Variants in ANK1 observed in about 807,000 individuals in gnomAD.
ANK1 encodes ankyrin-1.
A neutral mutation model predicts 210.4 loss-of-function variants in ANK1; 51 were observed. The observed-to-expected ratio is 0.24, with a 90% CI of 0.19 to 0.31. ANK1 has a LOEUF of 0.31. ANK1 is among the 10% of genes least tolerant of loss of function. The pLI is 1.00. For missense variants in ANK1, 2,051 were observed against 2,504.4 expected (o/e 0.82, Z 3.86); for synonymous variants, 967 against 1,025.9 (o/e 0.94, Z 1.10).
chr8:41,774,412 A>C (rs13251399), intron 1 of ANK1, among the ~76,000 whole-genome samples: 43,550 of 152,088 alleles, frequency 0.29, 6,580 homozygotes, highest in Non-Finnish European at 0.32. Context: ...CTAAATTGTC[A>C]ATGTCCCCAC....
intron 2 of ANK1, among the ~76,000 whole-genome samples, chr8:41,741,068 G>T (rs1834670909): frequency 2.0e-5 from 3 of 152,164 alleles, no homozygotes; most frequent in Admixed American, 2.0e-4. Flanking sequence ...CAGATGGGTG[G>T]GGCTTCCAAC....
chr8:41,735,053 G>A (rs895221770), intron 2 of ANK1, among the ~76,000 whole-genome samples: 2 of 152,152 alleles, frequency 1.3e-5, no homozygotes, highest in Non-Finnish European at 2.9e-5. Flanking sequence ...TAGCCCACAA[G>A]AGCAGAGCCA....
chr8:41,773,225 G>A (rs936094963), intron 1 of ANK1, among the ~76,000 whole-genome samples: 39 of 152,190 alleles, frequency 2.6e-4, no homozygotes, highest in African/African-American at 9.4e-4. Flanking sequence ...GATGGCAAGT[G>A]CGGGGGTCTA....
At chr8:41,674,900 A>G (rs920315246) in intron 37 of ANK1, among the ~76,000 whole-genome samples, 2 of 152,156 alleles carry the variant, frequency 1.3e-5, no homozygotes, top group African/African-American at 4.8e-5. Flanking sequence ...ACATCTTACC[A>G]TGAACTGAAC....
intron 39 of ANK1, among the ~76,000 whole-genome samples, chr8:41,666,974 C>CCAAA (rs1810757221): frequency 6.6e-6 from 1 of 152,322 alleles, no homozygotes; most frequent in African/African-American, 2.4e-5. Context: ...GTTCCCCTCA[C>CCAAA]CAAAGGCTGA....
At chr8:41,740,368 C>T (rs149604770) in intron 2 of ANK1, among the ~76,000 whole-genome samples, 3,499 of 152,026 alleles carry the variant, frequency 0.023, 135 homozygotes, top group African/African-American at 0.079. Flanking sequence ...CCATGTTGGC[C>T]AGGCTGGTCT....
At chr8:41,660,271 T>C (rs1285955651) in intron 42 of ANK1, among the ~76,000 whole-genome samples, 2 of 152,072 alleles carry the variant, frequency 1.3e-5, no homozygotes, top group African/African-American at 4.8e-5. Flanking sequence ...AGTCAGCACT[T>C]TTGGTGGCTC....
At chr8:41,682,584 A>G (rs750016673) in intron 37 of ANK1, among the ~76,000 whole-genome samples, 19 of 152,356 alleles carry the variant, frequency 1.2e-4, no homozygotes, top group Admixed American at 7.8e-4. Flanking sequence ...CTTTCAGCAG[A>G]CATGGAGTGC....
intron 1 of ANK1, among the ~76,000 whole-genome samples, chr8:41,822,636 C>T (rs1804665952): frequency 6.6e-6 from 1 of 152,050 alleles, no homozygotes; most frequent in Admixed American, 6.5e-5. Context: ...ATCCTTGTAC[C>T]CTGTACACTG....
Position 41,864,249 on chromosome 8 carries a change from CA to C in ANK1, c.126+32105del, listed in dbSNP as rs34673931. Among the ~76,000 whole-genome samples the C allele has an allele frequency of 7.2e-3, 560 of 77,880 alleles. 1 individual carries two copies. The highest frequency in any genetic ancestry group is 0.016 in the African/African-American group (360 of 22,776). 51.1% of individuals were successfully genotyped at this position (77,880 alleles called of 152,430 possible). A position where few individuals can be genotyped will look rare whatever the true frequency, so the allele number is the denominator to read the frequency against. The stretch of plus-strand genomic sequence containing the variant: ...TGGGTGACAGAGTGAGACTCTGTCT[CA>C]AAAAAAAAAAAAAAAAAGGGTACCA... On this transcript the variant is annotated intron_variant, in intron 1 of 42. Coordinates refer to the ANK1 transcript ENST00000265709.
chr8:41,855,983 G>A (rs928384646), intron 1 of ANK1, among the ~76,000 whole-genome samples: 11 of 152,198 alleles, frequency 7.2e-5, no homozygotes, highest in South Asian at 2.1e-4. Flanking sequence ...TGTCCACCCC[G>A]ATCCCCTCAG....
In ANK1 at chr8:41,726,029, C is replaced by T. The variant is rs531627721; in HGVS notation, c.427-83G>A. 8.1e-5 allele frequency: 121 copies of T among 1,490,394 alleles called. No homozygotes were observed. In the Admixed American group the frequency reaches 1.6e-3, roughly 20 times the overall value. The allele number at this position is 1,490,394 out of a possible 1,614,324, so 92.3% of individuals were successfully genotyped here. A position where few individuals can be genotyped will look rare whatever the true frequency, so the allele number is the denominator to read the frequency against. On this transcript the variant is annotated intron_variant, in intron 5 of 42. Coordinates refer to ENST00000289734, the MANE Select transcript of ANK1 (RefSeq NM_000037.4). ...ACGGGACACACCCTTGCCCCTCGGGCTTATGCTCCCAGCAGCCCCAGCCTG... is the reference window on the plus strand; with the variant it reads ...ACGGGACACACCCTTGCCCCTCGGGTTTATGCTCCCAGCAGCCCCAGCCTG...
At chr8:41,700,556 C>G (rs1055356401) in intron 22 of ANK1, 1 of 1,216,192 alleles carries the variant, frequency 8.2e-7, no homozygotes, top group African/African-American at 1.5e-5. Flanking sequence ...CTCTGCTTCT[C>G]TAGTTGACAA....
chr8:41,761,877 C>T (rs995568243), intron 1 of ANK1, among the ~76,000 whole-genome samples: 4 of 152,252 alleles, frequency 2.6e-5, no homozygotes, highest in African/African-American at 7.2e-5. Flanking sequence ...CACCACCTCC[C>T]AGCCCCCACC....
chr8:41,689,619 G>C (rs904197998), intron 33 of ANK1, among the ~76,000 whole-genome samples: 2 of 152,172 alleles, frequency 1.3e-5, no homozygotes, highest in Non-Finnish European at 2.9e-5. Flanking sequence ...GGAGACGTAT[G>C]ATCCCTCCAA....
chr8:41,740,988 C>T lies in ANK1; in HGVS notation c.130-6919G>A, dbSNP rs1029581531. ...GAGGGGGACAGGGCAGGTGAGGATG[C>T]TGGGTGGGTGGGGAAGAGCAATTGC... is the stretch of plus-strand genomic sequence containing the variant. On this transcript the variant is annotated intron_variant, in intron 2 of 42. Coordinates refer to ENST00000289734, the MANE Select transcript of ANK1 (RefSeq NM_000037.4). Among the ~76,000 whole-genome samples the T allele has an allele frequency of 6.6e-5, 10 of 152,150 alleles. No homozygotes were observed. In the South Asian group the frequency reaches 8.3e-4, roughly 13 times the overall value.
At position 41,715,740 on chromosome 8, in the gene ANK1, G is replaced by A. The variant is rs1424550780; in HGVS notation, c.1514C>T (p.Thr505Ile). The change falls in exon 14 of 43, where the codon ACC (threonine) becomes ATC (isoleucine). Residue 505 changes from threonine (T) to isoleucine (I), a missense_variant. Coordinates refer to ENST00000289734, the MANE Select transcript of ANK1 (RefSeq NM_000037.4). Reference protein sequence around the residue: ...NPNLATTAGHTPLHIAAREGH... With the variant: ...NPNLATTAGHIPLHIAAREGH... ...CTCACGGGCTGCAATGTGCAGGGGG[G>A]TGTGCCCGGCGGTGGTGGCCAGGTT... The A allele has an allele frequency of 6.2e-7, 1 of 1,614,092 alleles. No individual in the cohort carries two copies. Among genetic ancestry groups the A allele is most frequent in the Non-Finnish European group, 8.5e-7 (1 of 1,180,052 alleles).
chr8:41,884,382 T>C (rs530013724), intron 1 of ANK1, among the ~76,000 whole-genome samples: 114 of 151,636 alleles, frequency 7.5e-4, no homozygotes, highest in Non-Finnish European at 1.4e-3. Flanking sequence ...AAGGCACCAC[T>C]GCATTAAAGG....
At chr8:41,765,152 T>G (rs1841461643) in intron 1 of ANK1, among the ~76,000 whole-genome samples, 1 of 148,158 alleles carries the variant, frequency 6.7e-6, no homozygotes, top group South Asian at 2.2e-4. Flanking sequence ...TCTTTCCTTC[T>G]TCCTTCCTTT....
Sources: allele counts gnomAD v4.1 joint callset (sites outside exome capture counted in the v4.1 genomes callset), GRCh38; gene constraint gnomAD v4.1.1; transcripts MANE v1.5; gene names NCBI Gene and HGNC (gene_info 2026-07-23, HGNC 2026-07-21).